Variants in TENM3 observed in about 807,000 individuals in gnomAD.
The protein encoded by TENM3 is teneurin-3.
TENM3 carries 63 observed loss-of-function variants against 255.1 expected under a neutral mutation model. The ratio of observed to expected loss-of-function variants is 0.25; its 90% confidence interval spans 0.20 to 0.30. The LOEUF (loss-of-function observed/expected upper bound fraction) is 0.30. Ranked by LOEUF, TENM3 falls within the 10% of genes least tolerant of loss-of-function variation. The pLI, the probability that TENM3 is intolerant of heterozygous loss-of-function variation, is 1.00. For synonymous variants in TENM3, 1,306 were observed against 1,322.3 expected (o/e 0.99, Z 0.27); for missense variants, 2,929 against 3,461.1 (o/e 0.85, Z 3.86).
the TENM3 span, among the ~76,000 whole-genome samples, chr4:182,037,128 C>T: frequency 1.6e-4 from 24 of 149,180 alleles, 1 homozygote; most frequent in South Asian, 4.3e-3. Context: ...TACTCTCTCC[C>T]CCTCCAATCC....
chr4:181,624,338 C>T, the TENM3 span, among the ~76,000 whole-genome samples: 11,754 of 152,260 alleles, frequency 0.077, 506 homozygotes, highest in East Asian at 0.14. Context: ...GCTCTTAAGG[C>T]TTCCAACTCA....
At chr4:181,832,621 G>A in the TENM3 span, among the ~76,000 whole-genome samples, 1 of 152,170 alleles carries the variant, frequency 6.6e-6, no homozygotes, top group African/African-American at 2.4e-5. Flanking sequence ...TACGCTAAGA[G>A]ACTTGCTTCA....
At chr4:182,069,686 AACACACACACAC>A in the TENM3 span, among the ~76,000 whole-genome samples, 1 of 149,450 alleles carries the variant, frequency 6.7e-6, no homozygotes, top group East Asian at 2.0e-4. Context: ...TAGATGCATA[AACACACACACAC>A]ACACACACAC....
chr4:182,124,197 ACGTG>A, the TENM3 span, among the ~76,000 whole-genome samples: 1 of 152,082 alleles, frequency 6.6e-6, no homozygotes, highest in South Asian at 2.1e-4. Context: ...GACTACAGGC[ACGTG>A]CCACCATGCC....
At chr4:182,274,055 G>A (rs1300804680) in intron 1 of TENM3, among the ~76,000 whole-genome samples, 1 of 152,154 alleles carries the variant, frequency 6.6e-6, no homozygotes, top group Admixed American at 6.5e-5. Context: ...AAACATATAG[G>A]GACAGTCTTG....
chr4:182,351,626 G>C (rs908897050), intron 3 of TENM3, among the ~76,000 whole-genome samples: 1 of 152,162 alleles, frequency 6.6e-6, no homozygotes, highest in African/African-American at 2.4e-5. Flanking sequence ...GATGACCTTT[G>C]ATGTAAGGCA....
At chr4:182,021,717 C>CAATG in the TENM3 span, among the ~76,000 whole-genome samples, 53,903 of 151,604 alleles carry the variant, frequency 0.36, 9,910 homozygotes, top group Middle Eastern at 0.41. Flanking sequence ...TGGTGGTGCC[C>CAATG]AATATTTGAT....
At chr4:182,423,180 G>T (rs571901544) in intron 3 of TENM3, among the ~76,000 whole-genome samples, 97 of 152,210 alleles carry the variant, frequency 6.4e-4, no homozygotes, top group African/African-American at 2.2e-3. Context: ...GTACGTGTGT[G>T]TATGAATTTT....
the TENM3 span, among the ~76,000 whole-genome samples, chr4:181,761,120 G>A: frequency 1.3e-5 from 2 of 151,870 alleles, no homozygotes; most frequent in African/African-American, 4.8e-5. Context: ...ATTGTCAGTT[G>A]CTTAGTCAAG....
intron 3 of TENM3, among the ~76,000 whole-genome samples, chr4:182,356,977 T>C (rs1226426625): frequency 9.2e-5 from 14 of 151,738 alleles, no homozygotes; most frequent in Non-Finnish European, 1.6e-4. Flanking sequence ...GTTTGGTTTT[T>C]TGTTCTTGCA....
intron 3 of TENM3, among the ~76,000 whole-genome samples, chr4:182,435,762 T>TTCC (rs1771994109): frequency 6.6e-6 from 1 of 152,232 alleles, no homozygotes; most frequent in Non-Finnish European, 1.5e-5. Context: ...GCATATGTAG[T>TTCC]TCCTGCCTCT....
chr4:182,004,860 T>C, the TENM3 span, among the ~76,000 whole-genome samples: 1 of 152,238 alleles, frequency 6.6e-6, no homozygotes, highest in Non-Finnish European at 1.5e-5. Flanking sequence ...GTTGACCATG[T>C]AAATGTCTTC....
chr4:182,035,451 A>G, the TENM3 span, among the ~76,000 whole-genome samples: 1 of 152,252 alleles, frequency 6.6e-6, no homozygotes, highest in African/African-American at 2.4e-5. Flanking sequence ...TCTTCAGAAC[A>G]TGCAACAAAC....
chr4:181,950,114 G>A, the TENM3 span, among the ~76,000 whole-genome samples: 4 of 152,110 alleles, frequency 2.6e-5, no homozygotes, highest in African/African-American at 9.7e-5. Flanking sequence ...CACCACAAAA[G>A]AAGTGTAAAT....
intron 1 of TENM3, among the ~76,000 whole-genome samples, chr4:182,167,535 C>A (rs1395294939): frequency 1.3e-5 from 2 of 152,056 alleles, no homozygotes; most frequent in Non-Finnish European, 2.9e-5. Flanking sequence ...AAAAAGAATT[C>A]TTGTGTAGAC....
At chr4:181,886,188 G>A in the TENM3 span, among the ~76,000 whole-genome samples, 2 of 151,896 alleles carry the variant, frequency 1.3e-5, no homozygotes, top group Non-Finnish European at 2.9e-5. Context: ...GAGTAGCTGG[G>A]ACTACAGGCG....
the TENM3 span, among the ~76,000 whole-genome samples, chr4:181,793,532 G>A: frequency 6.6e-6 from 1 of 152,270 alleles, no homozygotes; most frequent in Middle Eastern, 3.4e-3. Context: ...ATCCAAATAT[G>A]GTTCATTCAC....
the TENM3 span, among the ~76,000 whole-genome samples, chr4:181,526,879 C>T: frequency 4.6e-5 from 7 of 152,228 alleles, no homozygotes; most frequent in East Asian, 1.3e-3. Context: ...CTCAATTTGT[C>T]TGTGACCTCT....
chr4:181,983,448 A>G, the TENM3 span, among the ~76,000 whole-genome samples: 15 of 152,244 alleles, frequency 9.9e-5, no homozygotes, highest in African/African-American at 3.4e-4. Flanking sequence ...ATAATTGCTT[A>G]CACCTCTCAA....
Sources: gnomAD v4.1 joint callset for allele counts (sites outside exome capture counted in the v4.1 genomes callset) on GRCh38, gnomAD v4.1.1 for gene constraint, MANE v1.5 for transcripts, NCBI Gene and HGNC (gene_info 2026-07-23, HGNC 2026-07-21) for gene names.